Variants in NAV3 observed in about 807,000 individuals in gnomAD.
The protein encoded by NAV3 is neuron navigator 3.
In NAV3, 87 loss-of-function variants were observed where a neutral mutation model predicts 244.7. The ratio of observed to expected loss-of-function variants is 0.36; its 90% CI spans 0.30 to 0.42. NAV3 has a LOEUF of 0.42. Ranked by LOEUF, NAV3 falls within the 20% of genes least tolerant of loss-of-function variation. The pLI, the probability that NAV3 is intolerant of heterozygous loss-of-function variation, is 1.00. For missense variants in NAV3, 2,663 were observed against 2,893.3 expected (o/e 0.92, Z 1.83); for synonymous variants, 1,126 against 1,042.2 (o/e 1.08, Z -1.55).
intron 2 of NAV3, among the ~76,000 whole-genome samples, chr12:77,637,919 G>A (rs1229533209): frequency 6.6e-6 from 1 of 152,098 alleles, no homozygotes; most frequent in Non-Finnish European, 1.5e-5. Flanking sequence ...TATTTGACTA[G>A]TGTCTTAGAA....
At position 77,985,510 on chromosome 12, in the gene NAV3, A is replaced by G. The variant is rs375024792; in HGVS notation, c.672-9293A>G. 1.3e-5 allele frequency among the ~76,000 whole-genome samples: 2 copies of G among 152,060 alleles called. 1 individual carries two copies. The highest frequency in any genetic ancestry group is 4.1e-4 in the South Asian group (2 of 4,822). ...GATGGCTCTTCACTGTCAATACTCT[A>G]AAGGTGGGATTAGTCACTTCTGAAT... On this transcript the variant is annotated intron_variant, in intron 5 of 39. Coordinates refer to ENST00000397909, the MANE Select transcript of NAV3 (RefSeq NM_001024383.2).
intron 2 of NAV3, among the ~76,000 whole-genome samples, chr12:77,726,551 G>T (rs1231890488): frequency 6.6e-6 from 1 of 151,674 alleles, no homozygotes. Flanking sequence ...TGGAGACAGG[G>T]TACCATAAAA....
At chr12:78,188,425 A>C in intron 32 of NAV3, 82 bp downstream of exon 32, 1 of 1,278,980 alleles carries the variant, frequency 7.8e-7, no homozygotes, top group South Asian at 1.3e-5. Context: ...TAGCAGAGAC[A>C]CATCTTCTTT....
intron 2 of NAV3, among the ~76,000 whole-genome samples, chr12:77,652,815 C>G (rs996288063): frequency 6.6e-6 from 1 of 152,172 alleles, no homozygotes; most frequent in Admixed American, 6.5e-5. Flanking sequence ...AATAGTAGAG[C>G]CCATTATCAA....
chr12:77,732,000 C>G (rs148286448), intron 2 of NAV3, among the ~76,000 whole-genome samples: 1 of 151,520 alleles, frequency 6.6e-6, no homozygotes, highest in African/African-American at 2.4e-5. Context: ...CTACAGAGAA[C>G]GAGTCGGTAG....
chr12:78,070,361 C>G (rs1245856407), intron 12 of NAV3, among the ~76,000 whole-genome samples: 1 of 150,740 alleles, frequency 6.6e-6, no homozygotes, highest in Non-Finnish European at 1.5e-5. Context: ...AAGGTTACAC[C>G]ACTAGTAAAT....
chr12:78,006,608 C>A lies in NAV3; in HGVS notation c.1070C>A (p.Thr357Asn). The A allele has an allele frequency of 6.2e-7, 1 of 1,614,146 alleles. No homozygotes were observed. The highest frequency in any genetic ancestry group is 8.5e-7 in the Non-Finnish European group (1 of 1,180,036). ...MLTVKQSSTA[T>N]SPTPSSDRLK... ...ACTGTAAAGCAGTCAAGTACAGCCA[C>A]CTCCCCCACACCATCTTCAGACAGA... Residue 357 changes from threonine (T) to asparagine (N), a missense_variant, in exon 8 of 40, where the codon ACC becomes AAC. By Grantham distance (65) the Thr-to-Asn change is moderately conservative (BLOSUM62 0). Around this residue, in one of 6 missense-constraint regions of NAV3, gnomAD observed 1,521 missense variants for 1,497.0 expected, o/e 1.02. Coordinates refer to ENST00000397909, the MANE Select transcript of NAV3 (RefSeq NM_001024383.2).
At chr12:77,730,992 A>C (rs1877105328) in intron 2 of NAV3, among the ~76,000 whole-genome samples, 1 of 151,930 alleles carries the variant, frequency 6.6e-6, no homozygotes, top group Non-Finnish European at 1.5e-5. Context: ...CTAATTTCTG[A>C]ATGACATAAG....
At chr12:77,992,108 T>G (rs1871547969) in intron 5 of NAV3, among the ~76,000 whole-genome samples, 1 of 152,144 alleles carries the variant, frequency 6.6e-6, no homozygotes, top group Admixed American at 6.5e-5. Flanking sequence ...TTTTAGAAAA[T>G]TTATTGTATG....
intron 12 of NAV3, among the ~76,000 whole-genome samples, chr12:78,099,898 G>A (rs1473527746): frequency 2.0e-5 from 3 of 151,794 alleles, no homozygotes; most frequent in East Asian, 3.9e-4. Context: ...CACTTATTAC[G>A]TTTAACTAAG....
intron 1 of NAV3, among the ~76,000 whole-genome samples, chr12:77,835,324 G>A (rs916959412): frequency 2.6e-5 from 4 of 152,162 alleles, no homozygotes; most frequent in Non-Finnish European, 5.9e-5. Flanking sequence ...CAATTTCTAG[G>A]AAAAGATACT....
chr12:78,078,835 C>T (rs2137787228), intron 12 of NAV3, among the ~76,000 whole-genome samples: 1 of 152,300 alleles, frequency 6.6e-6, no homozygotes, highest in South Asian at 2.1e-4. Context: ...CCCTTCAAAA[C>T]ACCCAGAAGA....
At chr12:77,753,532 A>G (rs1261431935) in intron 2 of NAV3, among the ~76,000 whole-genome samples, 2 of 152,110 alleles carry the variant, frequency 1.3e-5, no homozygotes, top group Non-Finnish European at 2.9e-5. Context: ...CTTAAAGACA[A>G]TCCCTAGGTC....
intron 2 of NAV3, among the ~76,000 whole-genome samples, chr12:77,772,324 CAATA>C (rs1358806343): frequency 6.6e-6 from 1 of 151,884 alleles, no homozygotes; most frequent in Non-Finnish European, 1.5e-5. Context: ...TTCAAATAAA[CAATA>C]AAGGAAAATT....
At chr12:78,021,627 A>G in intron 8 of NAV3, 120 bp from the exon 9 acceptor site, 4 of 639,686 alleles carry the variant, frequency 6.3e-6, no homozygotes, top group Admixed American at 2.6e-5. Flanking sequence ...CATTCCAGTC[A>G]TAAAGAAATA....
intron 1 of NAV3, among the ~76,000 whole-genome samples, chr12:77,892,889 T>C (rs1167212358): frequency 6.6e-6 from 1 of 152,166 alleles, no homozygotes; most frequent in Admixed American, 6.6e-5. Context: ...ATGTTGGCTA[T>C]TAAAAGGGAA....
chr12:77,744,236 G>A (rs1721238940), intron 2 of NAV3, among the ~76,000 whole-genome samples: 1 of 151,986 alleles, frequency 6.6e-6, no homozygotes, highest in Admixed American at 6.6e-5. Flanking sequence ...ATCAATGGAA[G>A]AGAGCAGAGA....
chr12:77,859,638 A>G (rs1446151328), intron 1 of NAV3, among the ~76,000 whole-genome samples: 2 of 84,522 alleles, frequency 2.4e-5, no homozygotes, highest in African/African-American at 6.4e-5. Context: ...AATCAAAGTG[A>G]AAAAAAAAAA....
chr12:77,643,448 C>T (rs1872503227), intron 2 of NAV3, among the ~76,000 whole-genome samples: 1 of 151,524 alleles, frequency 6.6e-6, no homozygotes, highest in Non-Finnish European at 1.5e-5. Flanking sequence ...AGTATATAAA[C>T]TTAAACTCAT....
Sources: gnomAD v4.1 joint callset for allele counts (sites outside exome capture counted in the v4.1 genomes callset) on GRCh38, gnomAD v4.1.1 for gene constraint, gnomAD v4.1.1 regional missense constraint, MANE v1.5 for transcripts, NCBI Gene and HGNC (gene_info 2026-07-23, HGNC 2026-07-21) for gene names.